Variants in GAP43 observed in about 807,000 individuals in gnomAD.
The protein encoded by GAP43 is neuromodulin.
GAP43 carries 6 observed loss-of-function variants against 18.6 expected under a neutral mutation model. The ratio of observed to expected loss-of-function variants is 0.32; its 90% CI spans 0.18 to 0.64. The LOEUF (loss-of-function observed/expected upper bound fraction) is 0.64, where lower values mean the gene tolerates loss of function less well. Ranked by LOEUF, GAP43 falls within the 30% of genes least tolerant of loss-of-function variation. The pLI is 0.78. For missense variants in GAP43, 292 were observed against 295.5 expected (o/e 0.99, Z 0.09); for synonymous variants, 115 against 111.4 (o/e 1.03, Z -0.20).
At chr3:115,682,780 G>A (rs147207763) in intron 2 of GAP43, among the ~76,000 whole-genome samples, 1 of 152,124 alleles carries the variant, frequency 6.6e-6, no homozygotes, top group African/African-American at 2.4e-5. Flanking sequence ...CAGGTGATCC[G>A]CCTGCTTCAG....
chr3:115,678,332 T>C (rs1364380596), intron 2 of GAP43, among the ~76,000 whole-genome samples: 1 of 152,176 alleles, frequency 6.6e-6, no homozygotes, highest in African/African-American at 2.4e-5. Flanking sequence ...TTAACTGGGA[T>C]TTCTAAAGTT....
intron 1 of GAP43, among the ~76,000 whole-genome samples, chr3:115,635,816 G>A (rs779451130): frequency 1.3e-5 from 2 of 151,776 alleles, no homozygotes; most frequent in Non-Finnish European, 2.9e-5. Flanking sequence ...TTAGTGGAAC[G>A]AAACTATTGA....
chr3:115,649,094 A>T (rs1480150322), intron 1 of GAP43, among the ~76,000 whole-genome samples: 2 of 152,154 alleles, frequency 1.3e-5, no homozygotes, highest in East Asian at 1.9e-4. Flanking sequence ...ACAAAAAAAA[A>T]TCACAGATTG....
chr3:115,636,041 C>G (rs1326575014), intron 1 of GAP43, among the ~76,000 whole-genome samples: 1 of 152,068 alleles, frequency 6.6e-6, no homozygotes, highest in African/African-American at 2.4e-5. Context: ...TTTGCTCAAC[C>G]TGGATATATA....
intron 2 of GAP43, among the ~76,000 whole-genome samples, chr3:115,683,171 ACACACAC>A (rs1284292499): frequency 6.6e-6 from 1 of 151,416 alleles, no homozygotes; most frequent in African/African-American, 2.4e-5. Flanking sequence ...ACACACACAC[ACACACAC>A]ACACACACAC....
At chr3:115,673,211 G>C (rs1708836898) in intron 1 of GAP43, among the ~76,000 whole-genome samples, 1 of 152,184 alleles carries the variant, frequency 6.6e-6, no homozygotes, top group African/African-American at 2.4e-5. Flanking sequence ...TGAAGTTGCA[G>C]ATGCTTTAAG....
chr3:115,642,892 A>G (rs1207965450), intron 1 of GAP43, among the ~76,000 whole-genome samples: 1 of 152,028 alleles, frequency 6.6e-6, no homozygotes, highest in African/African-American at 2.4e-5. Flanking sequence ...TTAGGGGTAT[A>G]TGTGTGTGTT....
chr3:115,659,250 C>A (rs1708626550), intron 1 of GAP43, among the ~76,000 whole-genome samples: 1 of 152,106 alleles, frequency 6.6e-6, no homozygotes, highest in African/African-American at 2.4e-5. Flanking sequence ...GCCAGAGACC[C>A]CATTTGGAAA....
chr3:115,710,753 A>G (rs1353189139), intron 2 of GAP43, among the ~76,000 whole-genome samples: 1 of 152,202 alleles, frequency 6.6e-6, no homozygotes, highest in Non-Finnish European at 1.5e-5. Flanking sequence ...AAAATAGTTA[A>G]TAATAAAATT....
At chr3:115,646,782 G>A (rs778880988) in intron 1 of GAP43, among the ~76,000 whole-genome samples, 9 of 151,930 alleles carry the variant, frequency 5.9e-5, no homozygotes, top group Non-Finnish European at 1.2e-4. Flanking sequence ...ACTCATTTGC[G>A]ATTTGGTACC....
chr3:115,623,620 G>C lies in GAP43; in HGVS notation c.-70G>C. The C allele has an allele frequency of 1.3e-5, 20 of 1,590,166 alleles. No homozygotes were observed. The highest frequency in any genetic ancestry group is 1.7e-5 in the Non-Finnish European group (20 of 1,158,786). ...AGCAAGCGAGCAGAAAAGAGGTGGAGAGGGGGGGAATAAGAAAGAGAGAGA... is the reference window on the plus strand; with the variant it reads ...AGCAAGCGAGCAGAAAAGAGGTGGACAGGGGGGGAATAAGAAAGAGAGAGA... On this transcript the variant is annotated 5_prime_UTR_variant, in exon 1 of 3. Transcript: ENST00000305124.
intron 1 of GAP43, among the ~76,000 whole-genome samples, chr3:115,641,416 G>T (rs1708393893): frequency 6.6e-6 from 1 of 151,080 alleles, no homozygotes; most frequent in Admixed American, 6.6e-5. Flanking sequence ...ACACATAGGG[G>T]TGTGCATATA....
chr3:115,683,133 GTGCGCGCGCGCGCGCACA>G (rs1489955376), intron 2 of GAP43, among the ~76,000 whole-genome samples: 4 of 87,988 alleles, frequency 4.5e-5, no homozygotes, highest in Admixed American at 3.2e-4. Context: ...GTGCGCGCGC[GTGCGCGCGCGCGCGCACA>G]CACACACACA....
At chr3:115,668,223 T>A (rs1257841492) in intron 1 of GAP43, among the ~76,000 whole-genome samples, 1 of 152,172 alleles carries the variant, frequency 6.6e-6, no homozygotes, top group African/African-American at 2.4e-5. Context: ...CCTTGGTACA[T>A]GACCAGCATG....
chr3:115,636,614 CA>C (rs1708333886), intron 1 of GAP43, among the ~76,000 whole-genome samples: 1 of 152,072 alleles, frequency 6.6e-6, no homozygotes, highest in African/African-American at 2.4e-5. Flanking sequence ...GGACAGTTAC[CA>C]AAATTCTCTA....
intron 2 of GAP43, among the ~76,000 whole-genome samples, chr3:115,702,463 C>T (rs541367246): frequency 1.3e-5 from 2 of 152,060 alleles, no homozygotes; most frequent in African/African-American, 2.4e-5. Flanking sequence ...TAGAAAACAG[C>T]AGAAATAAAT....
intron 2 of GAP43, among the ~76,000 whole-genome samples, chr3:115,702,341 A>C (rs1355041369): frequency 6.6e-6 from 1 of 152,048 alleles, no homozygotes; most frequent in Admixed American, 6.6e-5. Flanking sequence ...ATTAGAGGGA[A>C]TGAGTTTTCT....
chr3:115,701,797 C>T (rs1273302078), intron 2 of GAP43, among the ~76,000 whole-genome samples: 1 of 152,118 alleles, frequency 6.6e-6, no homozygotes, highest in Non-Finnish European at 1.5e-5. Flanking sequence ...CCCCGCCAAC[C>T]TGTCCTTCCT....
intron 1 of GAP43, among the ~76,000 whole-genome samples, chr3:115,632,620 A>G (rs1006003919): frequency 6.6e-6 from 1 of 152,196 alleles, no homozygotes; most frequent in African/African-American, 2.4e-5. Context: ...AAACATATGG[A>G]TAACATTTAG....
Sources: allele counts gnomAD v4.1 joint callset (sites outside exome capture counted in the v4.1 genomes callset), GRCh38; gene constraint gnomAD v4.1.1; transcripts MANE v1.5; gene names NCBI Gene and HGNC (gene_info 2026-07-23, HGNC 2026-07-21).